Variants in DPP10 observed in about 807,000 individuals in gnomAD.
The protein encoded by DPP10 is dipeptidyl peptidase like 10, also known as inactive dipeptidyl peptidase 10.
Under a neutral mutation model 120.9 loss-of-function variants are expected in DPP10, and 33 were observed. That is an observed-to-expected ratio of 0.27 (90% confidence interval 0.21 to 0.37). DPP10 has a LOEUF of 0.37. Ranked by LOEUF, DPP10 falls within the 10% of genes least tolerant of loss-of-function variation. DPP10 has a pLI of 1.00. For synonymous variants in DPP10, 337 were observed against 326.1 expected, an observed-to-expected ratio of 1.03 and a Z score of -0.36; for missense variants, 816 against 942.8, an observed-to-expected ratio of 0.87 and a Z score of 1.76.
intron 3 of DPP10, among the ~76,000 whole-genome samples, chr2:115,366,165 C>G (rs1426019213): frequency 6.6e-6 from 1 of 151,610 alleles, no homozygotes; most frequent in Non-Finnish European, 1.5e-5. Context: ...ATTTTCTTCC[C>G]AAAGGATGCC....
At chr2:114,674,521 A>T (rs1312574653) in intron 1 of DPP10, among the ~76,000 whole-genome samples, 2 of 152,208 alleles carry the variant, frequency 1.3e-5, no homozygotes, top group African/African-American at 4.8e-5. Flanking sequence ...TTACTAAATT[A>T]AACCTCTTTT....
chr2:115,511,762 C>T (rs753127599), intron 4 of DPP10, among the ~76,000 whole-genome samples: 7 of 130,792 alleles, frequency 5.4e-5, no homozygotes, highest in Non-Finnish European at 7.7e-5. Flanking sequence ...GGGTCTCACT[C>T]TGTTACCTAG....
At chr2:114,689,800 G>C (rs1699615202) in intron 1 of DPP10, among the ~76,000 whole-genome samples, 1 of 151,856 alleles carries the variant, frequency 6.6e-6, no homozygotes, top group African/African-American at 2.4e-5. Flanking sequence ...ACCTCATTGA[G>C]GTTTTGATTT....
In DPP10 at chr2:115,402,854, AAT is replaced by A. The variant is rs757052503; in HGVS notation, c.271+58963_271+58964del. 1.7e-3 allele frequency among the ~76,000 whole-genome samples: 162 copies of A among 97,632 alleles called. 1 individual carries two copies. Among genetic ancestry groups the A allele is most frequent in the African/African-American group, 2.9e-3 (74 of 25,438 alleles). 64.1% of individuals were successfully genotyped at this position (97,632 alleles called of 152,430 possible). A position where few individuals can be genotyped will look rare whatever the true frequency, so the allele number is the denominator to read the frequency against. ...AGGACACTACAAGGAAAAAAAAAAA[AAT>A]ATATATATATATATATATATGTGTG... On this transcript the variant is annotated intron_variant, in intron 3 of 25. Coordinates refer to ENST00000410059, the MANE Select transcript of DPP10 (RefSeq NM_020868.6).
intron 1 of DPP10, among the ~76,000 whole-genome samples, chr2:114,897,323 C>T (rs1371413574): frequency 1.3e-5 from 2 of 152,142 alleles, no homozygotes; most frequent in Non-Finnish European, 2.9e-5. Context: ...ACCAGTTCCT[C>T]CTTGTACCTC....
intron 1 of DPP10, among the ~76,000 whole-genome samples, chr2:114,530,454 G>A (rs2104729885): frequency 6.6e-6 from 1 of 152,232 alleles, no homozygotes; most frequent in Middle Eastern, 3.4e-3. Context: ...ATATCTGTTG[G>A]GAGTTAAGCT....
At chr2:114,632,792 G>A (rs558810302) in intron 1 of DPP10, among the ~76,000 whole-genome samples, 20 of 152,040 alleles carry the variant, frequency 1.3e-4, no homozygotes, top group African/African-American at 2.9e-4. Flanking sequence ...GATTACAGGC[G>A]TGAGCCACTG....
intron 3 of DPP10, among the ~76,000 whole-genome samples, chr2:115,419,145 A>C (rs2069704699): frequency 6.6e-6 from 1 of 152,194 alleles, no homozygotes; most frequent in African/African-American, 2.4e-5. Flanking sequence ...ATTGACCATC[A>C]CAGCATAGTA....
At chr2:114,722,967 A>G (rs1701802010) in intron 1 of DPP10, among the ~76,000 whole-genome samples, 1 of 152,060 alleles carries the variant, frequency 6.6e-6, no homozygotes, top group Non-Finnish European at 1.5e-5. Context: ...TAAATACCAT[A>G]TTGGAGAAAA....
chr2:115,238,166 TAAAATG>T (rs2058092071), intron 1 of DPP10, among the ~76,000 whole-genome samples: 1 of 152,156 alleles, frequency 6.6e-6, no homozygotes, highest in Non-Finnish European at 1.5e-5. Flanking sequence ...CTGACAGCTT[TAAAATG>T]AAGCCAGTGC....
At chr2:115,367,537 G>A (rs753040393) in intron 3 of DPP10, among the ~76,000 whole-genome samples, 19 of 151,896 alleles carry the variant, frequency 1.3e-4, no homozygotes, top group African/African-American at 2.2e-4. Context: ...ACTTTTTTAC[G>A]TTTTAAAGCC....
chr2:115,646,243 A>G (rs2087246055), intron 5 of DPP10, among the ~76,000 whole-genome samples: 2 of 152,058 alleles, frequency 1.3e-5, no homozygotes, highest in Non-Finnish European at 2.9e-5. Flanking sequence ...AGTGATGGAG[A>G]TCAGACTGTC....
At chr2:115,281,253 T>C (rs370360579) in intron 1 of DPP10, among the ~76,000 whole-genome samples, 1 of 152,206 alleles carries the variant, frequency 6.6e-6, no homozygotes, top group Admixed American at 6.5e-5. Context: ...CTTCGGCTTT[T>C]CATTTCAAAA....
At chr2:114,537,000 G>T (rs1343147841) in intron 1 of DPP10, among the ~76,000 whole-genome samples, 1 of 152,154 alleles carries the variant, frequency 6.6e-6, no homozygotes, top group African/African-American at 2.4e-5. Flanking sequence ...TGCTTGAAAA[G>T]TCTTATAACT....
At chr2:114,784,320 G>A (rs1295975397) in intron 1 of DPP10, among the ~76,000 whole-genome samples, 1 of 152,076 alleles carries the variant, frequency 6.6e-6, no homozygotes, top group South Asian at 2.1e-4. Flanking sequence ...AGAAACAACA[G>A]CATCTGTCCT....
intron 5 of DPP10, among the ~76,000 whole-genome samples, chr2:115,540,853 A>G (rs2079131513): frequency 1.3e-5 from 2 of 151,904 alleles, no homozygotes. Flanking sequence ...TTCATTTAAT[A>G]TGTATGCCTG....
intron 3 of DPP10, among the ~76,000 whole-genome samples, chr2:115,417,781 T>C (rs1311198149): frequency 1.3e-5 from 2 of 152,192 alleles, no homozygotes; most frequent in Non-Finnish European, 2.9e-5. Context: ...TCATGGTAGT[T>C]TATGTTAATT....
At position 115,186,118 on chromosome 2, in the gene DPP10, A is replaced by C. The variant is rs1224369797; in HGVS notation, c.61-123121A>C. Among the ~76,000 whole-genome samples, 4 of 152,214 alleles carry C rather than the reference A, an allele frequency of 2.6e-5. No homozygotes were observed. The East Asian group carries it at 7.7e-4, about 29-fold the overall frequency. ...CTAACCCTTTTATAAGTGAGTGGAA[A>C]TAAGTTCTTTTATTTCTTCCCCTAT... On this transcript the variant is annotated intron_variant, in intron 1 of 25. Transcript: ENST00000410059.
chr2:115,485,683 T>C (rs777562706), intron 3 of DPP10, among the ~76,000 whole-genome samples: 5 of 152,246 alleles, frequency 3.3e-5, no homozygotes, highest in South Asian at 4.1e-4. Context: ...GGTAAAGTTA[T>C]GTCATTATGC....
Sources: gnomAD v4.1 joint callset for allele counts (sites outside exome capture counted in the v4.1 genomes callset) on GRCh38, gnomAD v4.1.1 for gene constraint, MANE v1.5 for transcripts, NCBI Gene and HGNC (gene_info 2026-07-23, HGNC 2026-07-21) for gene names.